The following MITF variants were observed in gnomAD, a reference collection of about 807,000 sequenced individuals.
MITF encodes melanocyte inducing transcription factor.
In MITF, 17 loss-of-function variants were observed where a neutral mutation model predicts 60.5. That is an observed-to-expected ratio of 0.28 (90% CI 0.19 to 0.42). MITF has a LOEUF of 0.42. Ranked by LOEUF, MITF falls within the 10% of genes least tolerant of loss-of-function variation. MITF has a pLI of 1.00. For missense variants in MITF, 622 were observed against 683.5 expected (o/e 0.91, Z 1.00); for synonymous variants, 260 against 248.5 (o/e 1.05, Z -0.43).
At chr3:69,949,391 G>C (rs2066184606) in intron 6 of MITF, among the ~76,000 whole-genome samples, 1 of 151,988 alleles carries the variant, frequency 6.6e-6, no homozygotes, top group Non-Finnish European at 1.5e-5. Context: ...CTGAGATACT[G>C]GGAATCGGGG....
intron 2 of MITF, among the ~76,000 whole-genome samples, chr3:69,889,254 C>T (rs937525472): frequency 6.6e-6 from 1 of 151,478 alleles, no homozygotes; most frequent in African/African-American, 2.4e-5. Flanking sequence ...TAATCAGGGT[C>T]CCTGTTGAAA....
At position 69,961,467 on chromosome 3, in the gene MITF, G is replaced by A. The variant is rs908734131; in HGVS notation, c.1179+2047G>A. ...CACGCCTCTAATCCCAGCACTTTGA[G>A]AGGCCAAGGTGGGTGGATCACGAGT... On this transcript the variant is annotated intron_variant, in intron 9 of 9. Coordinates refer to ENST00000352241, the MANE Select transcript of MITF (RefSeq NM_001354604.2). 9.2e-5 allele frequency among the ~76,000 whole-genome samples: 14 copies of A among 151,896 alleles called. 1 individual carries two copies. Among genetic ancestry groups the A allele is most frequent in the Non-Finnish European group, 1.5e-5 (1 of 67,996 alleles).
chr3:69,802,635 C>G (rs933613132), intron 1 of MITF, among the ~76,000 whole-genome samples: 1 of 151,000 alleles, frequency 6.6e-6, no homozygotes, highest in Non-Finnish European at 1.5e-5. Flanking sequence ...CATTGACTTC[C>G]CAAACACTTA....
intron 1 of MITF, among the ~76,000 whole-genome samples, chr3:69,873,242 A>G (rs1459583068): frequency 6.6e-6 from 1 of 152,160 alleles, no homozygotes; most frequent in Non-Finnish European, 1.5e-5. Context: ...GTTTCTTATT[A>G]GTATTTTTTT....
chr3:69,796,082 A>T (rs867555118), intron 1 of MITF, among the ~76,000 whole-genome samples: 49 of 152,036 alleles, frequency 3.2e-4, no homozygotes, highest in African/African-American at 1.1e-3. Flanking sequence ...CCTGGGTTCA[A>T]ATGATTCTCC....
At chr3:69,818,474 A>G (rs916164144) in intron 1 of MITF, among the ~76,000 whole-genome samples, 1 of 152,098 alleles carries the variant, frequency 6.6e-6, no homozygotes, top group African/African-American at 2.4e-5. Flanking sequence ...CGTAAGTTCC[A>G]CTACTGTATG....
rs74280299 is a variant in MITF, at chr3:69,932,652, T to G, written c.355-5170T>G. ...GTTAAGGACAGCTTTGTACAGATTG[T>G]ACAGTAAACAAGATTATATGTCCAA... is the stretch of plus-strand genomic sequence containing the variant. On this transcript the variant is annotated intron_variant, in intron 2 of 9. Coordinates refer to ENST00000352241, the MANE Select transcript of MITF (RefSeq NM_001354604.2). 3.9e-4 allele frequency among the ~76,000 whole-genome samples: 59 copies of G among 152,320 alleles called. No individual in the cohort carries two copies. In the East Asian group the frequency reaches 0.011, roughly 29 times the overall value.
At position 69,959,175 on chromosome 3, in the gene MITF, T is replaced by A. The variant is rs190191611; in HGVS notation, c.1032-98T>A. 5,623 of 1,423,332 alleles carry A rather than the reference T, an allele frequency of 4.0e-3. 66 individuals carry two copies. In the African/African-American group the frequency reaches 0.041, roughly 10 times the overall value. 88.2% of individuals were successfully genotyped at this position (1,423,332 alleles called of 1,614,324 possible). A position where few individuals can be genotyped will look rare whatever the true frequency, so the allele number is the denominator to read the frequency against. On this transcript the variant is annotated intron_variant, in intron 8 of 9. Coordinates refer to ENST00000352241, the MANE Select transcript of MITF (RefSeq NM_001354604.2). ...CCAAAACTATTGAAATAAAAAAAAA[T>A]TTTAAAAAGTTCAAAAAGAAATGGA...
At chr3:69,767,790 T>C (rs2062323780) in intron 1 of MITF, among the ~76,000 whole-genome samples, 1 of 151,744 alleles carries the variant, frequency 6.6e-6, no homozygotes, top group Non-Finnish European at 1.5e-5. Context: ...AAATGAAGAA[T>C]GGGTTGGAGG....
At chr3:69,913,553 A>C (rs1014266971) in intron 2 of MITF, among the ~76,000 whole-genome samples, 1 of 152,230 alleles carries the variant, frequency 6.6e-6, no homozygotes, top group Non-Finnish European at 1.5e-5. Flanking sequence ...TTGAGTTTGC[A>C]TGAAGGTGAC....
At chr3:69,793,106 T>C (rs1433892244) in intron 1 of MITF, among the ~76,000 whole-genome samples, 1 of 144,626 alleles carries the variant, frequency 6.9e-6, no homozygotes, top group Non-Finnish European at 1.5e-5. Context: ...CTCGATTTCC[T>C]GGGCCGAAGT....
intron 1 of MITF, among the ~76,000 whole-genome samples, chr3:69,804,598 G>A (rs1487783201): frequency 6.6e-6 from 1 of 152,170 alleles, no homozygotes; most frequent in Non-Finnish European, 1.5e-5. Flanking sequence ...GTTTATGTAC[G>A]AAAGTGCAGT....
At chr3:69,855,260 C>CAAAAAA (rs33962275) in intron 1 of MITF, among the ~76,000 whole-genome samples, 32 of 84,588 alleles carry the variant, frequency 3.8e-4, no homozygotes, top group Non-Finnish European at 5.6e-4. Context: ...TTCCCATAAG[C>CAAAAAA]AAAAAAAAAA....
chr3:69,831,402 C>T (rs898647907), intron 1 of MITF, among the ~76,000 whole-genome samples: 2 of 152,114 alleles, frequency 1.3e-5, no homozygotes, highest in African/African-American at 4.8e-5. Context: ...TTTTTCTCCC[C>T]TTGCCATGCA....
At chr3:69,785,186 CA>C (rs1459233209) in intron 1 of MITF, among the ~76,000 whole-genome samples, 1 of 152,072 alleles carries the variant, frequency 6.6e-6, no homozygotes. Context: ...GGCACTTGAA[CA>C]TTCTTCATGA....
At chr3:69,778,764 A>C (rs1465627457) in intron 1 of MITF, 1 of 152,120 alleles carries the variant, frequency 6.6e-6, no homozygotes, top group Non-Finnish European at 1.5e-5. Flanking sequence ...TGTTAAATAC[A>C]TTTTTCCCTG....
At chr3:69,773,001 T>C (rs2062416473) in intron 1 of MITF, among the ~76,000 whole-genome samples, 1 of 152,166 alleles carries the variant, frequency 6.6e-6, no homozygotes. Flanking sequence ...GTAAGTGTTA[T>C]AGAGAACGAT....
intron 1 of MITF, chr3:69,758,686 G>C (rs920912792): frequency 2.0e-5 from 4 of 203,606 alleles, no homozygotes; most frequent in African/African-American, 9.2e-5. Flanking sequence ...AGGATACAGA[G>C]TGTGTCCAAT....
intron 1 of MITF, among the ~76,000 whole-genome samples, chr3:69,805,381 C>T (rs924367560): frequency 6.6e-6 from 1 of 152,120 alleles, no homozygotes; most frequent in Non-Finnish European, 1.5e-5. Context: ...TTAAGGATTT[C>T]TTCCTTGGGT....
Sources: gnomAD v4.1 joint callset for allele counts (sites outside exome capture counted in the v4.1 genomes callset) on GRCh38, gnomAD v4.1.1 for gene constraint, MANE v1.5 for transcripts, NCBI Gene and HGNC (gene_info 2026-07-23, HGNC 2026-07-21) for gene names.